The following PARVB variants were observed in gnomAD, a reference collection of about 807,000 sequenced individuals.
The protein encoded by PARVB is beta-parvin.
In PARVB, 46 loss-of-function variants were observed where a neutral mutation model predicts 47.0. The observed-to-expected ratio is 0.98, with a 90% CI of 0.77 to 1.25. PARVB has a LOEUF of 1.25. Among genes scored for constraint, PARVB ranks in the 50% most tolerant of loss-of-function variants. The pLI is 0.00. For synonymous variants in PARVB, 196 were observed against 196.3 expected, an observed-to-expected ratio of 1.00 and a Z score of 0.01; for missense variants, 473 against 471.6, an observed-to-expected ratio of 1.00 and a Z score of -0.03.
chr22:44,101,067 A>T (rs1465669220), intron 3 of PARVB, among the ~76,000 whole-genome samples: 1 of 152,224 alleles, frequency 6.6e-6, no homozygotes, highest in Non-Finnish European at 1.5e-5. Context: ...TGTTTTCATG[A>T]GGGCTCATTC....
At chr22:44,071,310 C>T (rs934747436) in intron 1 of PARVB, among the ~76,000 whole-genome samples, 6 of 152,192 alleles carry the variant, frequency 3.9e-5, no homozygotes, top group Non-Finnish European at 5.9e-5. Flanking sequence ...TTGGGAGATA[C>T]TGATGGAGAC....
intron 6 of PARVB, among the ~76,000 whole-genome samples, chr22:44,133,534 T>C (rs933338181): frequency 1.3e-5 from 2 of 152,228 alleles, no homozygotes; most frequent in Admixed American, 6.5e-5. Flanking sequence ...CTTACATTTA[T>C]TTTTTATTTT....
intron 1 of PARVB, among the ~76,000 whole-genome samples, chr22:44,057,341 G>A (rs998351944): frequency 6.6e-6 from 1 of 152,060 alleles, no homozygotes; most frequent in African/African-American, 2.4e-5. Context: ...GGGATTATTT[G>A]GTTCTAGAAC....
chr22:44,060,811 A>G (rs2146958187), intron 1 of PARVB, among the ~76,000 whole-genome samples: 1 of 152,160 alleles, frequency 6.6e-6, no homozygotes, highest in Middle Eastern at 3.4e-3. Context: ...GTTTTGATCT[A>G]TAAAGTTGCC....
At chr22:44,091,141 C>T (rs1250488719) in intron 1 of PARVB, among the ~76,000 whole-genome samples, 3 of 152,202 alleles carry the variant, frequency 2.0e-5, no homozygotes, top group African/African-American at 7.2e-5. Flanking sequence ...TAGCGTTATG[C>T]TAAGGATTTT....
chr22:44,112,583 A>C (rs2052726581), intron 3 of PARVB: 2 of 152,628 alleles, frequency 1.3e-5, no homozygotes, highest in Admixed American at 1.3e-4. Flanking sequence ...TCTGTCACCC[A>C]GGGTGGAGTG....
intron 4 of PARVB, among the ~76,000 whole-genome samples, chr22:44,127,647 A>C (rs1305103103): frequency 6.6e-6 from 1 of 152,122 alleles, no homozygotes; most frequent in Non-Finnish European, 1.5e-5. Context: ...AGGGAGGGGG[A>C]GCCAGAGGAG....
intron 1 of PARVB, among the ~76,000 whole-genome samples, chr22:44,066,804 C>CCTCCTCCTTCTCCTCCTCCTT (rs1555898503): frequency 1.5e-5 from 2 of 131,086 alleles, no homozygotes; most frequent in African/African-American, 6.1e-5. Context: ...TCCTCCTCCT[C>CCTCCTCCTTCTCCTCCTCCTT]CTCCTCCTCC....
intron 5 of PARVB, 44 bp downstream of exon 5, chr22:44,131,671 C>A: frequency 6.4e-7 from 1 of 1,552,128 alleles, no homozygotes; most frequent in Non-Finnish European, 8.7e-7. Flanking sequence ...GGAGGGAGCC[C>A]GTCCTCTCGA....
chr22:44,082,244 T>G (rs544827902), intron 1 of PARVB, among the ~76,000 whole-genome samples: 1 of 152,092 alleles, frequency 6.6e-6, no homozygotes, highest in Non-Finnish European at 1.5e-5. Context: ...GTTGGCCAGG[T>G]GCGGTGGTTC....
chr22:44,054,990 C>CAAAAAAAAAAAAAAA (rs3083343), intron 1 of PARVB, among the ~76,000 whole-genome samples: 1 of 70,098 alleles, frequency 1.4e-5, no homozygotes, highest in Non-Finnish European at 2.5e-5. Context: ...AACTCCATCT[C>CAAAAAAAAAAAAAAA]AAAAAAAAAA....
intron 4 of PARVB, 54 bp downstream of exon 4, chr22:44,119,194 C>T: frequency 8.0e-7 from 1 of 1,257,808 alleles, no homozygotes; most frequent in South Asian, 1.2e-5. Flanking sequence ...TGCAGCGGCC[C>T]TGGGCTGGGC....
intron 2 of PARVB, chr22:44,009,565 G>A (rs2050500577): frequency 6.6e-6 from 1 of 151,196 alleles, no homozygotes; most frequent in Non-Finnish European, 1.5e-5. Context: ...ATATATATAT[G>A]TAAAAACCTA....
At chr22:44,050,482 T>A (rs1311290906) in intron 1 of PARVB, among the ~76,000 whole-genome samples, 1 of 152,116 alleles carries the variant, frequency 6.6e-6, no homozygotes. Flanking sequence ...TAGCTGGGAT[T>A]ACAGGTGCCT....
chr22:44,158,170 C>A, intron 11 of PARVB, 87 bp downstream of exon 11: 1 of 863,480 alleles, frequency 1.2e-6, no homozygotes, highest in Non-Finnish European at 1.9e-6. Context: ...GCTCTTCCTG[C>A]AGCCTGGCTG....
At chr22:44,025,940 G>T (rs1481080115) in intron 1 of PARVB, among the ~76,000 whole-genome samples, 1 of 152,214 alleles carries the variant, frequency 6.6e-6, no homozygotes, top group East Asian at 1.9e-4. Flanking sequence ...AACGGGGAAT[G>T]AATACATAGA....
At chr22:44,055,524 G>A (rs1301792427) in intron 1 of PARVB, among the ~76,000 whole-genome samples, 2 of 151,876 alleles carry the variant, frequency 1.3e-5, no homozygotes, top group South Asian at 2.1e-4. Context: ...TAGTAGACAC[G>A]GGGTTTCACC....
rs34132028 is a variant in PARVB, at chr22:44,131,133, T to TTC, written c.377-334_377-333dup. Among the ~76,000 whole-genome samples, 100 of 129,430 alleles carry TTC rather than the reference T, an allele frequency of 7.7e-4. 1 individual carries two copies. The Middle Eastern group carries it at 0.011, about 14-fold the overall frequency. 84.9% of individuals were successfully genotyped at this position (129,430 alleles called of 152,430 possible). ...CCTTCCTTCCTTCCTTTTTCTTTCTTTCTCTCTCTCTCTCTCTCTCTTTCT... is the reference window on the plus strand; with the variant it reads ...CCTTCCTTCCTTCCTTTTTCTTTCTTTCTCTCTCTCTCTCTCTCTCTCTTTCT... On this transcript the variant is annotated intron_variant, in intron 4 of 12. Coordinates refer to ENST00000338758, the MANE Select transcript of PARVB (RefSeq NM_013327.5).
At chr22:44,122,586 G>GAGAGAGAC (rs2053092960) in intron 4 of PARVB, among the ~76,000 whole-genome samples, 6 of 134,218 alleles carry the variant, frequency 4.5e-5, no homozygotes, top group African/African-American at 1.6e-4. Context: ...GAGAGAGAGA[G>GAGAGAGAC]AGAGAGAGAG....
Sources: allele counts gnomAD v4.1 joint callset (sites outside exome capture counted in the v4.1 genomes callset), GRCh38; gene constraint gnomAD v4.1.1; transcripts MANE v1.5; gene names NCBI Gene and HGNC (gene_info 2026-07-23, HGNC 2026-07-21).